MYO5B: variants seen among roughly 807,000 people sequenced by gnomAD.
The protein encoded by MYO5B is myosin VB.
MYO5B carries 143 observed loss-of-function variants against 229.3 expected under a neutral mutation model. That is an observed-to-expected ratio of 0.62 (90% CI 0.54 to 0.72). The LOEUF is 0.72. MYO5B is among the 30% of genes least tolerant of loss of function. The pLI, the probability that MYO5B is intolerant of heterozygous loss-of-function variation, is 0.00. For missense variants in MYO5B, 2,321 were observed against 2,331.0 expected, an observed-to-expected ratio of 1.00 and a Z score of 0.09; for synonymous variants, 918 against 885.2, an observed-to-expected ratio of 1.04 and a Z score of -0.66.
chr18:50,112,903 T>A lies in MYO5B; in HGVS notation c.28-57525A>T, dbSNP rs79255852. On this transcript the variant is annotated intron_variant, in intron 1 of 39. Transcript: ENST00000285039. Reference sequence around the variant, plus strand: ...TGGGTCATTTATTTCAATAAGACATTTGTTAGCACAACACAGTCATTAAAT... The same window carrying A: ...TGGGTCATTTATTTCAATAAGACATATGTTAGCACAACACAGTCATTAAAT... Among the ~76,000 whole-genome samples the A allele has an allele frequency of 5.4e-3, 822 of 152,336 alleles. 7 individuals are homozygous for A. The highest frequency in any genetic ancestry group is 0.018 in the African/African-American group (745 of 41,568).
intron 1 of MYO5B, among the ~76,000 whole-genome samples, chr18:50,074,863 C>T (rs1419955649): frequency 1.3e-5 from 2 of 152,070 alleles, no homozygotes; most frequent in African/African-American, 2.4e-5. Flanking sequence ...CTCTGTCGCC[C>T]GGGCTGGAGT....
intron 1 of MYO5B, among the ~76,000 whole-genome samples, chr18:50,192,474 C>G (rs2033241606): frequency 6.6e-6 from 1 of 152,198 alleles, no homozygotes; most frequent in Non-Finnish European, 1.5e-5. Context: ...GGGGAATGCT[C>G]AAGCCATTTT....
intron 14 of MYO5B, among the ~76,000 whole-genome samples, chr18:49,940,249 C>T (rs1055802298): frequency 5.3e-5 from 8 of 152,194 alleles, no homozygotes; most frequent in African/African-American, 7.2e-5. Context: ...TTACAGTCTA[C>T]AGTGGGCCCT....
intron 1 of MYO5B, among the ~76,000 whole-genome samples, chr18:50,091,395 A>G (rs1189691214): frequency 6.6e-6 from 1 of 152,206 alleles, no homozygotes; most frequent in Non-Finnish European, 1.5e-5. Flanking sequence ...CTCGTATTCA[A>G]GCTTATTTGC....
intron 1 of MYO5B, among the ~76,000 whole-genome samples, chr18:50,103,209 G>C (rs1469367769): frequency 6.6e-6 from 1 of 152,214 alleles, no homozygotes; most frequent in Admixed American, 6.5e-5. Flanking sequence ...GGACCAAAAG[G>C]TCCTAAATTT....
At chr18:50,100,657 G>A (rs1226251566) in intron 1 of MYO5B, among the ~76,000 whole-genome samples, 1 of 152,162 alleles carries the variant, frequency 6.6e-6, no homozygotes, top group Non-Finnish European at 1.5e-5. Flanking sequence ...GTCACTGGGG[G>A]CCAAAAGCCA....
intron 21 of MYO5B, among the ~76,000 whole-genome samples, chr18:49,897,826 G>A (rs2024796587): frequency 6.6e-6 from 1 of 152,158 alleles, no homozygotes; most frequent in Non-Finnish European, 1.5e-5. Flanking sequence ...AAAGTCGATA[G>A]GAGTGGACAG....
chr18:50,003,292 C>T (rs564730710), intron 4 of MYO5B, among the ~76,000 whole-genome samples: 8 of 152,288 alleles, frequency 5.3e-5, no homozygotes, highest in African/African-American at 1.9e-4. Flanking sequence ...TGATACACAA[C>T]CAACTACTTG....
intron 17 of MYO5B, among the ~76,000 whole-genome samples, chr18:49,921,824 C>T (rs2025079140): frequency 6.6e-6 from 1 of 152,196 alleles, no homozygotes; most frequent in Admixed American, 6.5e-5. Context: ...TCACAGGCTT[C>T]TGCAGTCCTG....
chr18:50,046,085 A>C (rs548778480), intron 2 of MYO5B, among the ~76,000 whole-genome samples: 4 of 152,366 alleles, frequency 2.6e-5, no homozygotes, highest in African/African-American at 9.6e-5. Context: ...CCATGGAACC[A>C]GAAGATCTAG....
At chr18:50,062,870 G>C (rs967073432) in intron 1 of MYO5B, among the ~76,000 whole-genome samples, 2 of 152,094 alleles carry the variant, frequency 1.3e-5, no homozygotes, top group Non-Finnish European at 2.9e-5. Context: ...ATAGGGTGCT[G>C]GTCCCCACTC....
At chr18:50,175,490 T>C (rs2144339812) in intron 1 of MYO5B, among the ~76,000 whole-genome samples, 1 of 152,386 alleles carries the variant, frequency 6.6e-6, no homozygotes, top group Middle Eastern at 3.4e-3. Context: ...ATCAAGTGAG[T>C]TGGAAACCTA....
At chr18:50,024,170 C>T (rs891706919) in intron 4 of MYO5B, among the ~76,000 whole-genome samples, 3 of 152,070 alleles carry the variant, frequency 2.0e-5, no homozygotes, top group African/African-American at 4.8e-5. Flanking sequence ...TGACCCAGTG[C>T]GGAAGCAGAA....
chr18:50,063,034 T>C (rs906026298), intron 1 of MYO5B, among the ~76,000 whole-genome samples: 3 of 152,066 alleles, frequency 2.0e-5, no homozygotes, highest in Non-Finnish European at 4.4e-5. Context: ...TTTAAGTGCT[T>C]AGTAGTTCTT....
intron 33 of MYO5B, 79 bp from the exon 34 acceptor site, chr18:49,843,471 G>A (rs2024087416): frequency 2.0e-6 from 3 of 1,522,024 alleles, no homozygotes. Context: ...CATCTGAATA[G>A]ACGTGTTTTC....
At chr18:50,061,250 C>A (rs145686712) in intron 1 of MYO5B, among the ~76,000 whole-genome samples, 2 of 152,244 alleles carry the variant, frequency 1.3e-5, no homozygotes, top group African/African-American at 4.8e-5. Flanking sequence ...TGGGTCTGAG[C>A]CCCAGTTTCC....
chr18:50,068,008 T>C (rs993181160), intron 1 of MYO5B, among the ~76,000 whole-genome samples: 1 of 144,580 alleles, frequency 6.9e-6, no homozygotes, highest in Non-Finnish European at 1.5e-5. Flanking sequence ...CATACATATA[T>C]ACACACACGT....
chr18:50,028,801 G>A (rs552535960), intron 4 of MYO5B, among the ~76,000 whole-genome samples: 6 of 152,356 alleles, frequency 3.9e-5, no homozygotes, highest in African/African-American at 1.4e-4. Context: ...CTAACATGCT[G>A]TGCTTCTCCA....
chr18:49,980,610 A>C (rs1375327487), intron 8 of MYO5B, 57 bp from the exon 9 acceptor site: 1 of 1,287,396 alleles, frequency 7.8e-7, no homozygotes, highest in East Asian at 2.3e-5. Context: ...CAGAAAGGAC[A>C]TTTTACCCCT....
Sources: allele counts gnomAD v4.1 joint callset (sites outside exome capture counted in the v4.1 genomes callset), GRCh38; gene constraint gnomAD v4.1.1; transcripts MANE v1.5; gene names NCBI Gene and HGNC (gene_info 2026-07-23, HGNC 2026-07-21).